The following BRINP1 variants were observed in gnomAD, a reference collection of about 807,000 sequenced individuals.
The protein encoded by BRINP1 is BMP/retinoic acid inducible neural specific 1.
Under a neutral mutation model 72.9 loss-of-function variants are expected in BRINP1, and 17 were observed. That is an observed-to-expected ratio of 0.23 (90% CI 0.16 to 0.35). The LOEUF (loss-of-function observed/expected upper bound fraction) is 0.35. Ranked by LOEUF, BRINP1 falls within the 10% of genes least tolerant of loss-of-function variation. The pLI is 1.00. For missense variants in BRINP1, 850 were observed against 1,001.6 expected (o/e 0.85, Z 2.04); for synonymous variants, 418 against 378.5 (o/e 1.10, Z -1.21).
At chr9:119,180,065 C>T (rs1829534977) in intron 7 of BRINP1, among the ~76,000 whole-genome samples, 1 of 152,204 alleles carries the variant, frequency 6.6e-6, no homozygotes, top group South Asian at 2.1e-4. Flanking sequence ...AGCAGACTCC[C>T]TGCTGATTTT....
intron 2 of BRINP1, among the ~76,000 whole-genome samples, chr9:119,260,678 C>T (rs1343618279): frequency 6.6e-6 from 1 of 152,128 alleles, no homozygotes; most frequent in African/African-American, 2.4e-5. Context: ...ATAACACACT[C>T]GTTATTTAAA....
At chr9:119,362,509 T>C (rs11790083) in intron 1 of BRINP1, among the ~76,000 whole-genome samples, 16,257 of 152,198 alleles carry the variant, frequency 0.11, 1,159 homozygotes, top group Middle Eastern at 0.15. Flanking sequence ...TCGGTACTAT[T>C]AGATTGCCAG....
intron 2 of BRINP1, among the ~76,000 whole-genome samples, chr9:119,250,053 G>A (rs1395674669): frequency 8.1e-6 from 1 of 122,754 alleles, no homozygotes; most frequent in East Asian, 2.6e-4. Context: ...AGAGAGAGAG[G>A]GAGGGAGGGA....
At chr9:119,367,193 A>ATGTG (rs10656214) in intron 1 of BRINP1, among the ~76,000 whole-genome samples, 22,447 of 111,182 alleles carry the variant, frequency 0.2, 2,469 homozygotes, top group African/African-American at 0.24. Flanking sequence ...ATATGAACAC[A>ATGTG]TGTGTGTGTG....
chr9:119,277,584 G>A (rs731133), intron 2 of BRINP1, among the ~76,000 whole-genome samples: 27,928 of 152,104 alleles, frequency 0.18, 3,051 homozygotes, highest in South Asian at 0.27. Flanking sequence ...CAAGAGAGGA[G>A]CCTACTATGT....
chr9:119,302,819 C>T (rs1252636697), intron 2 of BRINP1, among the ~76,000 whole-genome samples: 1 of 151,940 alleles, frequency 6.6e-6, no homozygotes, highest in Non-Finnish European at 1.5e-5. Flanking sequence ...TTTTTTTGCA[C>T]TATTACTCCA....
At chr9:119,257,144 A>G (rs1291169471) in intron 2 of BRINP1, among the ~76,000 whole-genome samples, 1 of 152,230 alleles carries the variant, frequency 6.6e-6, no homozygotes, top group Non-Finnish European at 1.5e-5. Flanking sequence ...CAAAAGCCAT[A>G]CAGTCAGAAA....
intron 1 of BRINP1, among the ~76,000 whole-genome samples, chr9:119,339,235 C>T (rs932793312): frequency 2.6e-5 from 4 of 152,190 alleles, no homozygotes; most frequent in Non-Finnish European, 4.4e-5. Flanking sequence ...AATCAATAAA[C>T]AAATGAGCAT....
At chr9:119,207,554 C>A (rs1330112113) in intron 7 of BRINP1, among the ~76,000 whole-genome samples, 1 of 152,154 alleles carries the variant, frequency 6.6e-6, no homozygotes, top group Non-Finnish European at 1.5e-5. Flanking sequence ...TGCAATAATA[C>A]CCCTAACCCT....
At chr9:119,296,346 C>T (rs908145055) in intron 2 of BRINP1, among the ~76,000 whole-genome samples, 1 of 152,062 alleles carries the variant, frequency 6.6e-6, no homozygotes, top group Non-Finnish European at 1.5e-5. Context: ...TGAGCTATTA[C>T]CTTGCACGTG....
intron 2 of BRINP1, among the ~76,000 whole-genome samples, chr9:119,250,108 A>AGGAG (rs1228554905): frequency 1.8e-5 from 1 of 56,278 alleles, no homozygotes; most frequent in African/African-American, 6.1e-5. Flanking sequence ...AAGAAAAGGA[A>AGGAG]GGAGGGAGGG....
intron 6 of BRINP1, among the ~76,000 whole-genome samples, chr9:119,212,558 G>A (rs993562602): frequency 1.2e-4 from 18 of 152,154 alleles, no homozygotes; most frequent in African/African-American, 3.9e-4. Flanking sequence ...GAAAACACTG[G>A]GTCTTGCAGG....
chr9:119,265,000 ACTGT>A (rs1385739040), intron 2 of BRINP1, among the ~76,000 whole-genome samples: 2 of 152,120 alleles, frequency 1.3e-5, no homozygotes, highest in South Asian at 2.1e-4. Context: ...TGAATAGGAC[ACTGT>A]CTGTCCTGTC....
intron 2 of BRINP1, among the ~76,000 whole-genome samples, chr9:119,266,900 G>C (rs936072694): frequency 6.6e-6 from 1 of 152,216 alleles, no homozygotes; most frequent in Non-Finnish European, 1.5e-5. Flanking sequence ...CCACTATAGA[G>C]GTTTTTATAA....
At chr9:119,354,847 C>G (rs1471004491) in intron 1 of BRINP1, among the ~76,000 whole-genome samples, 1 of 152,090 alleles carries the variant, frequency 6.6e-6, no homozygotes, top group Admixed American at 6.5e-5. Flanking sequence ...CCAGCATGGG[C>G]AACAGAGTGA....
At chr9:119,248,511 A>G (rs1830346282) in intron 3 of BRINP1, among the ~76,000 whole-genome samples, 1 of 152,204 alleles carries the variant, frequency 6.6e-6, no homozygotes, top group Non-Finnish European at 1.5e-5. Flanking sequence ...CTTTCCCATT[A>G]ACCTACTCTA....
At chr9:119,336,599 G>A (rs953973102) in intron 1 of BRINP1, among the ~76,000 whole-genome samples, 1 of 152,144 alleles carries the variant, frequency 6.6e-6, no homozygotes, top group Non-Finnish European at 1.5e-5. Flanking sequence ...GAGCAAGAAT[G>A]CTGCAGTCAA....
chr9:119,221,748 G>T (rs181908239), intron 5 of BRINP1, among the ~76,000 whole-genome samples: 59 of 152,228 alleles, frequency 3.9e-4, no homozygotes, highest in Middle Eastern at 3.4e-3. Flanking sequence ...GAATCCTTAG[G>T]TGAAAGATAC....
chr9:119,169,416 T>C (rs1829371694), intron 7 of BRINP1, among the ~76,000 whole-genome samples: 1 of 152,222 alleles, frequency 6.6e-6, no homozygotes, highest in Admixed American at 6.5e-5. Flanking sequence ...TACTGTGCTT[T>C]TCCGGCGGGC....
Sources: allele counts gnomAD v4.1 joint callset (sites outside exome capture counted in the v4.1 genomes callset), GRCh38; gene constraint gnomAD v4.1.1; transcripts MANE v1.5; gene names NCBI Gene and HGNC (gene_info 2026-07-23, HGNC 2026-07-21).